The following RBFOX3 variants were observed in gnomAD, a reference collection of about 807,000 sequenced individuals.
RBFOX3 encodes RNA binding protein fox-1 homolog 3.
A neutral mutation model predicts 48.7 loss-of-function variants in RBFOX3; 17 were observed. The ratio of observed to expected loss-of-function variants is 0.35; its 90% CI spans 0.24 to 0.52. The LOEUF is 0.52. RBFOX3 is among the 20% of genes least tolerant of loss of function. The probability of loss-of-function intolerance (pLI) is 0.94; values close to 1 mark genes in which losing one functional copy is unlikely to be tolerated. For missense variants in RBFOX3, 382 were observed against 497.5 expected (o/e 0.77, Z 2.21); for synonymous variants, 212 against 209.5 (o/e 1.01, Z -0.10).
In RBFOX3 at chr17:79,220,475, C is replaced by T. The variant is rs1213859015; in HGVS notation, c.-34+15291G>A. On this transcript the variant is annotated intron_variant, in intron 4 of 14. Transcript: ENST00000693108. This position sits in a 1 kb window ranked among gnomAD's most constrained non-coding sequence, Gnocchi z 5.9. The stretch of plus-strand genomic sequence containing the variant: ...CAGCTCCGTGCCTGCTCTCCGCTCG[C>T]CCATCGATGGGGTCCTGCCCGGCAC... 1.3e-5 allele frequency among the ~76,000 whole-genome samples: 2 copies of T among 152,156 alleles called. No homozygotes were observed. Among genetic ancestry groups the T allele is most frequent in the African/African-American group, 4.8e-5 (2 of 41,430 alleles).
chr17:79,357,024 G>A (rs2085283014), intron 2 of RBFOX3, among the ~76,000 whole-genome samples: 1 of 152,180 alleles, frequency 6.6e-6, no homozygotes. Flanking sequence ...CAGAGACTCG[G>A]CAGTGACAAC....
intron 3 of RBFOX3, among the ~76,000 whole-genome samples, chr17:79,279,120 A>G (rs2069631096): frequency 6.6e-6 from 1 of 151,738 alleles, no homozygotes; most frequent in African/African-American, 2.4e-5. Flanking sequence ...CCGTGATAGG[A>G]GGAGGAGGAG....
At chr17:79,337,897 A>C (rs2081440049) in intron 2 of RBFOX3, among the ~76,000 whole-genome samples, 1 of 152,074 alleles carries the variant, frequency 6.6e-6, no homozygotes, top group Non-Finnish European at 1.5e-5. Context: ...CTTTTTCTTA[A>C]ATTTTTGCTT....
the RBFOX3 span, among the ~76,000 whole-genome samples, chr17:79,647,711 G>A: frequency 6.6e-6 from 1 of 152,170 alleles, no homozygotes; most frequent in African/African-American, 2.4e-5. Flanking sequence ...TCATGGCACA[G>A]CGCATGACCA....
intron 1 of RBFOX3, among the ~76,000 whole-genome samples, chr17:79,541,367 A>C (rs140400456): frequency 2.0e-5 from 3 of 152,372 alleles, no homozygotes; most frequent in South Asian, 2.1e-4. Flanking sequence ...ATAACAGCTT[A>C]ACAGGGAGCG....
At chr17:79,654,771 T>G in the RBFOX3 span, among the ~76,000 whole-genome samples, 1 of 152,146 alleles carries the variant, frequency 6.6e-6, no homozygotes, top group Non-Finnish European at 1.5e-5. Context: ...ATCTGGGAAT[T>G]CCACTTTGAG....
intron 4 of RBFOX3, among the ~76,000 whole-genome samples, chr17:79,201,390 G>C (rs2056734394): frequency 6.6e-6 from 1 of 152,204 alleles, no homozygotes; most frequent in Admixed American, 6.5e-5. Context: ...AACCCCGGCA[G>C]TGGCAGACTG....
At chr17:79,308,130 C>T (rs370622345) in intron 2 of RBFOX3, among the ~76,000 whole-genome samples, 1 of 152,112 alleles carries the variant, frequency 6.6e-6, no homozygotes, top group Non-Finnish European at 1.5e-5. Context: ...CAGCAGGTGA[C>T]GGGGTCAGGC....
chr17:79,307,750 G>C lies in RBFOX3; in HGVS notation c.-100C>G, dbSNP rs1246012268. 6.5e-6 allele frequency: 1 copy of C among 153,798 alleles called. No homozygotes were observed. The highest frequency in any genetic ancestry group is 1.9e-4 in the East Asian group (1 of 5,190). 9.5% of individuals were successfully genotyped at this position (153,798 alleles called of 1,614,324 possible). A position where few individuals can be genotyped will look rare whatever the true frequency, so the allele number is the denominator to read the frequency against. On this transcript the variant is annotated 5_prime_UTR_variant, in exon 3 of 15. Transcript: ENST00000693108. The stretch of plus-strand genomic sequence containing the variant: ...TGTTTGCAGAGGGATGGCTCCAGGA[G>C]CAGGTTCCCAGCTGGAGGGGCTGCA...
chr17:79,393,761 C>G (rs1395960366), intron 2 of RBFOX3, among the ~76,000 whole-genome samples: 5 of 149,286 alleles, frequency 3.3e-5, no homozygotes, highest in African/African-American at 1.2e-4. Context: ...CACATCAGAG[C>G]TGGTCATCAT....
chr17:79,486,910 C>T (rs755231249), intron 1 of RBFOX3, among the ~76,000 whole-genome samples: 3 of 152,228 alleles, frequency 2.0e-5, no homozygotes, highest in Non-Finnish European at 4.4e-5. Flanking sequence ...CGAGGCAGCA[C>T]GAGACTGGGG....
Position 79,522,416 on chromosome 17 carries a change from A to C in RBFOX3, c.-319-39818T>G, listed in dbSNP as rs976719194. Among the ~76,000 whole-genome samples, 318 of 152,238 alleles carry C rather than the reference A, an allele frequency of 2.1e-3. 2 individuals are homozygous for C. The highest frequency in any genetic ancestry group is 7.4e-3 in the African/African-American group (306 of 41,560). On this transcript the variant is annotated intron_variant, in intron 1 of 14. Transcript: ENST00000693108. The stretch of plus-strand genomic sequence containing the variant: ...TCCAGACACAAACTCTCCTGCTGGC[A>C]CCAGGGCTGGAGGCCTGAGGGGCCA...
chr17:79,360,427 C>G (rs1448316207), intron 2 of RBFOX3, among the ~76,000 whole-genome samples: 1 of 152,202 alleles, frequency 6.6e-6, no homozygotes, highest in African/African-American at 2.4e-5. Context: ...ACCAGCCCCG[C>G]CAAGCGCCGC....
At chr17:79,319,110 T>C (rs528485768) in intron 2 of RBFOX3, among the ~76,000 whole-genome samples, 2 of 152,310 alleles carry the variant, frequency 1.3e-5, no homozygotes, top group South Asian at 2.1e-4. Flanking sequence ...CGGATGTGGC[T>C]TTCCCGGAGG....
chr17:79,405,252 C>T (rs759341337), intron 2 of RBFOX3, among the ~76,000 whole-genome samples: 1 of 152,310 alleles, frequency 6.6e-6, no homozygotes, highest in South Asian at 2.1e-4. Context: ...CTCCTCCACA[C>T]GCTGCATCAC....
chr17:79,255,291 G>A (rs2064626725), intron 3 of RBFOX3, among the ~76,000 whole-genome samples: 2 of 151,992 alleles, frequency 1.3e-5, no homozygotes, highest in South Asian at 2.1e-4. Flanking sequence ...TGGAGAGGGA[G>A]TCTGGGGTGA....
intron 8 of RBFOX3, among the ~76,000 whole-genome samples, chr17:79,102,520 C>T (rs1247413363): frequency 6.6e-6 from 1 of 152,208 alleles, no homozygotes; most frequent in Non-Finnish European, 1.5e-5. Context: ...GCTCCAGACA[C>T]CCAGGCCGCA....
chr17:79,097,626 G>GCC, intron 10 of RBFOX3, 66 bp downstream of exon 10: 1 of 1,227,012 alleles, frequency 8.1e-7, no homozygotes, highest in East Asian at 2.9e-5. Flanking sequence ...CGCCCCCAGA[G>GCC]CCCCCGGAGC....
At chr17:79,271,966 T>A (rs1459344205) in intron 3 of RBFOX3, among the ~76,000 whole-genome samples, 1 of 152,234 alleles carries the variant, frequency 6.6e-6, no homozygotes, top group Non-Finnish European at 1.5e-5. Flanking sequence ...TATTCAGCAC[T>A]GAGCTGGCCC....
Sources: allele counts gnomAD v4.1 joint callset (sites outside exome capture counted in the v4.1 genomes callset), GRCh38; gene constraint gnomAD v4.1.1; non-coding constraint Gnocchi (gnomAD v3.1); transcripts MANE v1.5; gene names NCBI Gene and HGNC (gene_info 2026-07-23, HGNC 2026-07-21).